ACAT2: variants seen among roughly 807,000 people sequenced by gnomAD.
ACAT2 encodes the protein acetyl-CoA acetyltransferase 2.
ACAT2 carries 26 observed loss-of-function variants against 37.1 expected under a neutral mutation model. The ratio of observed to expected loss-of-function variants is 0.70; its 90% CI spans 0.51 to 0.97. ACAT2 has a LOEUF of 0.97. Ranked by LOEUF, ACAT2 falls within the 50% of genes least tolerant of loss-of-function variation. The pLI is 0.00. For missense variants in ACAT2, 468 were observed against 489.0 expected (o/e 0.96, Z 0.40); for synonymous variants, 156 against 163.6 (o/e 0.95, Z 0.35).
rs192644545 is a variant in ACAT2 at position 159,762,903 on chromosome 6, C to T, written c.56-16C>T. ...GCAGGCTTGTGATGTCCACGCTCTC[C>T]GCCTTTCTATTGTAGGTTCCTTCAA... On this transcript the variant is annotated splice_polypyrimidine_tract_variant and intron_variant, in intron 1 of 8. Transcript: ENST00000367048. The T allele has an allele frequency of 3.1e-6, 5 of 1,608,098 alleles. No individual in the cohort carries two copies. Among genetic ancestry groups the T allele is most frequent in the East Asian group, 2.2e-5 (1 of 44,842 alleles).
intron 4 of ACAT2, among the ~76,000 whole-genome samples, chr6:159,773,891 T>C (rs570461380): frequency 1.6e-4 from 24 of 152,346 alleles, no homozygotes; most frequent in African/African-American, 5.5e-4. Context: ...AGAAGGAATG[T>C]TGGAGTTAGA....
intron 6 of ACAT2, among the ~76,000 whole-genome samples, chr6:159,776,634 C>T (rs1483574506): frequency 6.6e-6 from 1 of 152,192 alleles, no homozygotes; most frequent in Non-Finnish European, 1.5e-5. Flanking sequence ...TTCTTGACAT[C>T]CCAACTAGAC....
At chr6:159,768,905 G>A (rs1313025371) in intron 4 of ACAT2, among the ~76,000 whole-genome samples, 1 of 152,148 alleles carries the variant, frequency 6.6e-6, no homozygotes, top group Non-Finnish European at 1.5e-5. Flanking sequence ...TGCTTCTGTG[G>A]CAGAGGTAGT....
intron 1 of ACAT2, 154 bp downstream of exon 1, chr6:159,762,296 C>A: frequency 8.3e-7 from 1 of 1,211,468 alleles, no homozygotes; most frequent in Non-Finnish European, 1.1e-6. Context: ...CCCTGCGGCT[C>A]CCGCGTTCCC....
rs770773688 is a variant in ACAT2, at chr6:159,778,263, G to A, written c.1006G>A (p.Gly336Arg). ...AVSAAIVKELGLNPEKVNIEG... is the reference protein window; with the variant it reads ...AVSAAIVKELRLNPEKVNIEG... ...CTCTGCTGCAATAGTTAAAGAACTT[G>A]GATTAAACCCAGAGAAGGTAAAGAT... Residue 336 changes from glycine to arginine, a missense_variant, in exon 8 of 9, where the codon GGA (glycine) becomes AGA (arginine). Physicochemically the swap from Gly to Arg is moderately radical, Grantham distance 125. Transcript: ENST00000367048. The A allele has an allele frequency of 1.2e-6, 2 of 1,607,612 alleles. No homozygotes were observed. Among genetic ancestry groups the A allele is most frequent in the African/African-American group, 1.3e-5 (1 of 74,750 alleles).
At chr6:159,770,341 G>A (rs1780316297) in intron 4 of ACAT2, among the ~76,000 whole-genome samples, 2 of 152,154 alleles carry the variant, frequency 1.3e-5, no homozygotes, top group Admixed American at 1.3e-4. Context: ...TGCAATACTA[G>A]AATTATCAGA....
intron 3 of ACAT2, among the ~76,000 whole-genome samples, chr6:159,767,678 A>G (rs1780275790): frequency 6.6e-6 from 1 of 152,166 alleles, no homozygotes; most frequent in Non-Finnish European, 1.5e-5. Flanking sequence ...ACCAAGTTCC[A>G]TACCTCAAAC....
At chr6:159,766,403 G>A (rs75511629) in intron 2 of ACAT2, among the ~76,000 whole-genome samples, 2 of 146,722 alleles carry the variant, frequency 1.4e-5, no homozygotes, top group African/African-American at 5.0e-5. Context: ...GCACCCCCCC[G>A]CACTTTTTTT....
intron 2 of ACAT2, among the ~76,000 whole-genome samples, chr6:159,763,466 C>T (rs1049280089): frequency 2.6e-5 from 4 of 151,934 alleles, no homozygotes; most frequent in South Asian, 2.1e-4. Context: ...ATCACTTGAG[C>T]CCAGGAGTTT....
At chr6:159,763,317 C>T (rs560904144) in intron 2 of ACAT2, among the ~76,000 whole-genome samples, 1 of 152,138 alleles carries the variant, frequency 6.6e-6, no homozygotes, top group East Asian at 1.9e-4. Context: ...CTTTGGGAGG[C>T]GGAGGAGGAA....
rs1029323515 is a variant in ACAT2, at chr6:159,770,646, TA to T, written c.490+2027del. On this transcript the variant is annotated intron_variant, in intron 4 of 8. Coordinates refer to ENST00000367048, the MANE Select transcript of ACAT2 (RefSeq NM_005891.3). ...GAGCAACATAGTTAGACCTCATCTC[TA>T]AAAAAAAAGAAAAAAAAATTCTGAA... 5.1e-4 allele frequency among the ~76,000 whole-genome samples: 76 copies of T among 148,312 alleles called. 3 individuals are homozygous for T. Among genetic ancestry groups the T allele is most frequent in the African/African-American group, 1.8e-3 (73 of 40,212 alleles).
At chr6:159,774,025 A>G (rs1780377743) in intron 4 of ACAT2, among the ~76,000 whole-genome samples, 1 of 152,228 alleles carries the variant, frequency 6.6e-6, no homozygotes, top group Admixed American at 6.5e-5. Flanking sequence ...GGTACCTTTA[A>G]AAGCTAGAAA....
chr6:159,762,841 G>A, intron 1 of ACAT2, 78 bp from the exon 2 acceptor site: 1 of 1,597,778 alleles, frequency 6.3e-7, no homozygotes, highest in Non-Finnish European at 8.5e-7. Context: ...ACAGGGTCAT[G>A]AGGCTCCCCT....
At chr6:159,766,965 C>G in intron 2 of ACAT2, 40 bp from the exon 3 acceptor site, 1 of 1,608,742 alleles carries the variant, frequency 6.2e-7, no homozygotes, top group Non-Finnish European at 8.5e-7. Context: ...TTTTGTCTTT[C>G]TCCTTGATTG....
At chr6:159,777,771 CCT>C (rs1292314398) in intron 7 of ACAT2, among the ~76,000 whole-genome samples, 3 of 152,056 alleles carry the variant, frequency 2.0e-5, no homozygotes, top group Non-Finnish European at 4.4e-5. Flanking sequence ...GTTTTGAACT[CCT>C]GAGTTCAATT....
intron 2 of ACAT2, among the ~76,000 whole-genome samples, chr6:159,764,456 A>C (rs868461119): frequency 1.4e-4 from 22 of 151,840 alleles, no homozygotes; most frequent in African/African-American, 5.1e-4. Flanking sequence ...TTATTATTTA[A>C]AGAGACAGGG....
chr6:159,765,978 AT>A (rs1179053627), intron 2 of ACAT2, among the ~76,000 whole-genome samples: 1 of 152,202 alleles, frequency 6.6e-6, no homozygotes, highest in Non-Finnish European at 1.5e-5. Flanking sequence ...CTTTATAAAC[AT>A]TTACCATTGA....
chr6:159,778,816 T>C lies in ACAT2; in HGVS notation c.1181T>C (p.Val394Ala). The change falls in exon 9 of 9, where the codon GTT becomes GCT. Residue 394 changes from valine to alanine, a missense_variant. Coordinates refer to ENST00000367048, the MANE Select transcript of ACAT2 (RefSeq NM_005891.3). ...GGTGGGATGGGAATAGCAATGTGTG[T>C]TCAGAGAGAATGAATTGCTTAAACT... is the stretch of plus-strand genomic sequence containing the variant. ...IGGGMGIAMCVQRE is the reference protein window; with the variant it reads ...IGGGMGIAMCAQRE 1 of 1,614,176 alleles carries C rather than the reference T, an allele frequency of 6.2e-7. No individual in the cohort carries two copies. The highest frequency in any genetic ancestry group is 8.5e-7 in the Non-Finnish European group (1 of 1,180,026).
intron 2 of ACAT2, among the ~76,000 whole-genome samples, chr6:159,764,573 T>C (rs772617693): frequency 6.6e-6 from 1 of 151,864 alleles, no homozygotes; most frequent in African/African-American, 2.4e-5. Context: ...GCCTCTGGAG[T>C]AGCTGGGATT....
Sources: allele counts gnomAD v4.1 joint callset (sites outside exome capture counted in the v4.1 genomes callset), GRCh38; gene constraint gnomAD v4.1.1; transcripts MANE v1.5; gene names NCBI Gene and HGNC (gene_info 2026-07-23, HGNC 2026-07-21).